Variants in DLG2 observed in about 807,000 individuals in gnomAD.
The protein encoded by DLG2 is disks large homolog 2.
DLG2 carries 45 observed loss-of-function variants against 132.5 expected under a neutral mutation model. The observed-to-expected ratio is 0.34, with a 90% CI of 0.27 to 0.44. The LOEUF (loss-of-function observed/expected upper bound fraction) is 0.44. DLG2 is among the 20% of genes least tolerant of loss of function. The pLI, the probability that DLG2 is intolerant of heterozygous loss-of-function variation, is 1.00. For synonymous variants in DLG2, 424 were observed against 419.6 expected (o/e 1.01, Z -0.13); for missense variants, 1,045 against 1,196.9 (o/e 0.87, Z 1.87).
In DLG2 at chr11:84,295,190, T is replaced by C. The variant is rs1053960373; in HGVS notation, c.520-43899A>G. Reference sequence around the variant, plus strand: ...ATCAGTTCCTTGGTCATGGTATAAATTAAGGTAAGTTACTTTGCTTCTAAA... The same window carrying C: ...ATCAGTTCCTTGGTCATGGTATAAACTAAGGTAAGTTACTTTGCTTCTAAA... On this transcript the variant is annotated intron_variant, in intron 7 of 27. Transcript: ENST00000376104. Among the ~76,000 whole-genome samples, 6 of 152,312 alleles carry C rather than the reference T, an allele frequency of 3.9e-5. No homozygotes were observed. In the South Asian group the frequency reaches 6.2e-4, roughly 16 times the overall value.
At chr11:84,834,388 A>C (rs941605511) in intron 6 of DLG2, among the ~76,000 whole-genome samples, 1 of 151,612 alleles carries the variant, frequency 6.6e-6, no homozygotes, top group Non-Finnish European at 1.5e-5. Context: ...GACAACTTTA[A>C]AGGTAAACAG....
intron 21 of DLG2, among the ~76,000 whole-genome samples, chr11:83,511,833 C>T (rs1326904310): frequency 2.0e-5 from 3 of 151,478 alleles, no homozygotes; most frequent in South Asian, 4.2e-4. Flanking sequence ...CAAGTAGCTG[C>T]GACTACAGGC....
At chr11:84,374,791 A>G (rs1468824024) in intron 7 of DLG2, among the ~76,000 whole-genome samples, 1 of 152,130 alleles carries the variant, frequency 6.6e-6, no homozygotes, top group Non-Finnish European at 1.5e-5. Context: ...TGCTGGACAC[A>G]TAAACACTAG....
rs956409271 is a variant in DLG2 at position 83,992,767 on chromosome 11, G to C, written c.920-12125C>G. Reference sequence around the variant, plus strand: ...CCACTGAATTAGAAAAGGAGGAAAGGACAGTGGAGATGAATGCTAAGATTG... The same window carrying C: ...CCACTGAATTAGAAAAGGAGGAAAGCACAGTGGAGATGAATGCTAAGATTG... On this transcript the variant is annotated intron_variant, in intron 11 of 27. Transcript: ENST00000376104. Among the ~76,000 whole-genome samples, 3 of 152,054 alleles carry C rather than the reference G, an allele frequency of 2.0e-5. No homozygotes were observed. In the South Asian group the frequency reaches 6.2e-4, roughly 31 times the overall value.
At chr11:84,756,114 A>T (rs924112945) in intron 6 of DLG2, among the ~76,000 whole-genome samples, 2 of 152,220 alleles carry the variant, frequency 1.3e-5, no homozygotes, top group African/African-American at 4.8e-5. Context: ...TCATAAAAAA[A>T]ATTTAAAACA....
At chr11:84,308,444 G>A (rs1234586306) in intron 7 of DLG2, among the ~76,000 whole-genome samples, 4 of 152,204 alleles carry the variant, frequency 2.6e-5, no homozygotes, top group African/African-American at 9.6e-5. Flanking sequence ...TAGACATAAA[G>A]GTTCTCCAAG....
At chr11:83,733,520 G>C (rs1264038305) in intron 18 of DLG2, among the ~76,000 whole-genome samples, 1 of 152,180 alleles carries the variant, frequency 6.6e-6, no homozygotes, top group East Asian at 1.9e-4. Context: ...TAGTGCTCAG[G>C]TGGCTGAATG....
intron 6 of DLG2, among the ~76,000 whole-genome samples, chr11:84,770,245 G>T: frequency 6.6e-6 from 1 of 152,180 alleles, no homozygotes; most frequent in Non-Finnish European, 1.5e-5. Flanking sequence ...CAGAAGCTGA[G>T]CAGATGCTGG....
chr11:85,462,459 T>C (rs1346965352), intron 3 of DLG2, among the ~76,000 whole-genome samples: 1 of 152,176 alleles, frequency 6.6e-6, no homozygotes, highest in South Asian at 2.1e-4. Context: ...CACCAGGGAA[T>C]ACTATGCAGC....
chr11:85,184,773 C>A (rs2079975419), intron 4 of DLG2, among the ~76,000 whole-genome samples: 2 of 151,414 alleles, frequency 1.3e-5, no homozygotes, highest in South Asian at 2.1e-4. Context: ...GTAATATGAA[C>A]TTCTTTGGAA....
At chr11:84,801,119 A>T (rs1237183534) in intron 6 of DLG2, among the ~76,000 whole-genome samples, 1 of 152,196 alleles carries the variant, frequency 6.6e-6, no homozygotes, top group African/African-American at 2.4e-5. Flanking sequence ...TCTCAAATAT[A>T]AAATTGGCTT....
At chr11:84,142,945 A>G (rs2094918628) in intron 9 of DLG2, among the ~76,000 whole-genome samples, 2 of 152,086 alleles carry the variant, frequency 1.3e-5, no homozygotes. Context: ...ATATATATAT[A>G]TATGTCCTAC....
intron 7 of DLG2, among the ~76,000 whole-genome samples, chr11:84,481,973 G>A (rs1308340241): frequency 6.6e-6 from 1 of 152,162 alleles, no homozygotes; most frequent in Middle Eastern, 3.4e-3. Flanking sequence ...CCCTTTCTCC[G>A]ATATCTTTAC....
intron 3 of DLG2, among the ~76,000 whole-genome samples, chr11:85,501,760 C>T (rs2093809785): frequency 6.6e-6 from 1 of 152,108 alleles, no homozygotes; most frequent in Non-Finnish European, 1.5e-5. Flanking sequence ...ATTAAAAAGT[C>T]AGGAAACAAC....
chr11:84,791,772 G>C (rs1286534362), intron 6 of DLG2, among the ~76,000 whole-genome samples: 2 of 151,852 alleles, frequency 1.3e-5, no homozygotes, highest in African/African-American at 4.8e-5. Context: ...ACCGATTTTT[G>C]TATGTTGATT....
At chr11:83,480,577 A>C in intron 22 of DLG2, 1 of 1,548,458 alleles carries the variant, frequency 6.5e-7, no homozygotes, top group East Asian at 2.4e-5. Flanking sequence ...AAGAAGATGA[A>C]AACTTTATCT....
intron 6 of DLG2, among the ~76,000 whole-genome samples, chr11:84,812,892 G>T (rs2076715557): frequency 6.6e-6 from 1 of 152,074 alleles, no homozygotes; most frequent in Admixed American, 6.6e-5. Context: ...TGATGCAATT[G>T]TCGTTTTCAT....
At chr11:83,759,164 T>C (rs907766575) in intron 18 of DLG2, among the ~76,000 whole-genome samples, 12 of 152,228 alleles carry the variant, frequency 7.9e-5, no homozygotes, top group African/African-American at 2.2e-4. Flanking sequence ...AGTGTCTATA[T>C]AGGTAAAGTA....
intron 6 of DLG2, among the ~76,000 whole-genome samples, chr11:84,966,029 T>C (rs531126961): frequency 2.0e-5 from 3 of 152,178 alleles, no homozygotes; most frequent in Non-Finnish European, 2.9e-5. Flanking sequence ...GTTTGCTCAT[T>C]CAATATGTGT....
Sources: allele counts gnomAD v4.1 joint callset (sites outside exome capture counted in the v4.1 genomes callset), GRCh38; gene constraint gnomAD v4.1.1; transcripts MANE v1.5; gene names NCBI Gene and HGNC (gene_info 2026-07-23, HGNC 2026-07-21).